Variants in ARID1B observed in about 807,000 individuals in gnomAD.
ARID1B encodes AT-rich interaction domain 1B.
Under a neutral mutation model 212.3 loss-of-function variants are expected in ARID1B, and 30 were observed. The ratio of observed to expected loss-of-function variants is 0.14; its 90% CI spans 0.11 to 0.19. The LOEUF (loss-of-function observed/expected upper bound fraction) is 0.19. Ranked by LOEUF, ARID1B falls within the 10% of genes least tolerant of loss-of-function variation. The pLI, the probability that ARID1B is intolerant of heterozygous loss-of-function variation, is 1.00. For synonymous variants in ARID1B, 1,402 were observed against 1,301.7 expected (o/e 1.08, Z -1.66); for missense variants, 2,891 against 3,204.0 (o/e 0.90, Z 2.36).
chr6:156,913,526 A>C (rs1259051130), intron 3 of ARID1B, among the ~76,000 whole-genome samples: 2 of 151,986 alleles, frequency 1.3e-5, no homozygotes, highest in Non-Finnish European at 2.9e-5. Flanking sequence ...AACATTTTTC[A>C]AGAATACAAT....
At chr6:157,007,764 C>G (rs1308810471) in intron 4 of ARID1B, among the ~76,000 whole-genome samples, 1 of 147,212 alleles carries the variant, frequency 6.8e-6, no homozygotes, top group Non-Finnish European at 1.5e-5. Flanking sequence ...GAGTCTCACT[C>G]TGTCACCCAG....
At chr6:156,892,539 T>C (rs1272174418) in intron 2 of ARID1B, among the ~76,000 whole-genome samples, 1 of 152,226 alleles carries the variant, frequency 6.6e-6, no homozygotes, top group East Asian at 1.9e-4. Flanking sequence ...CCACCAATAT[T>C]TTAAAGCTAT....
At chr6:157,107,623 C>G (rs1786590602) in intron 5 of ARID1B, 1 of 152,260 alleles carries the variant, frequency 6.6e-6, no homozygotes, top group Non-Finnish European at 1.5e-5. Flanking sequence ...GGAACTTACT[C>G]TAATTCATAG....
In ARID1B at chr6:157,200,906, A is replaced by G. The variant is rs780408339; in HGVS notation, c.4681A>G (p.Ile1561Val). The G allele has an allele frequency of 5.6e-6, 9 of 1,613,704 alleles. No individual in the cohort carries two copies. The Admixed American group carries it at 1.5e-4, about 27-fold the overall frequency. Residue 1561 changes from isoleucine to valine, a missense_variant, in exon 18 of 20, where the codon ATC (isoleucine) becomes GTC (valine). By Grantham distance (29) the Ile-to-Val change is conservative (BLOSUM62 3). Coordinates refer to ENST00000636930, the MANE Select transcript of ARID1B (RefSeq NM_001374828.1). This position sits in a 1 kb window ranked among gnomAD's most constrained non-coding sequence, Gnocchi z 4.3. ...SRERMQGPGQIQTHGIPPQMM... is the reference protein window; with the variant it reads ...SRERMQGPGQVQTHGIPPQMM... Reference sequence around the variant, plus strand: ...GGAGAGGATGCAGGGCCCGGGGCAGATCCAGACACACGGAATCCCGCCTCA... The same window carrying G: ...GGAGAGGATGCAGGGCCCGGGGCAGGTCCAGACACACGGAATCCCGCCTCA...
At chr6:156,866,407 C>T (rs541440283) in intron 2 of ARID1B, among the ~76,000 whole-genome samples, 1 of 152,142 alleles carries the variant, frequency 6.6e-6, no homozygotes, top group Non-Finnish European at 1.5e-5. Context: ...ATGGTTCTGC[C>T]TTGTCAGCTG....
chr6:156,853,973 T>C (rs974092974), intron 2 of ARID1B, among the ~76,000 whole-genome samples: 10 of 152,110 alleles, frequency 6.6e-5, no homozygotes, highest in Admixed American at 5.2e-4. Flanking sequence ...GCTCCAGTGA[T>C]CCCCCACTTT....
chr6:156,871,813 G>A (rs1306855995), intron 2 of ARID1B, among the ~76,000 whole-genome samples: 1 of 152,180 alleles, frequency 6.6e-6, no homozygotes, highest in African/African-American at 2.4e-5. Context: ...TGTCCTGCTT[G>A]ATGATACCAG....
intron 6 of ARID1B, among the ~76,000 whole-genome samples, chr6:157,127,701 A>T (rs1369797612): frequency 2.1e-5 from 3 of 145,604 alleles, no homozygotes; most frequent in East Asian, 4.3e-4. Context: ...GCTTGAACTC[A>T]GGAGGTGGAA....
At position 157,148,525 on chromosome 6, in the gene ARID1B, T is replaced by TACTC. The variant is rs1320696536; in HGVS notation, c.2762-98_2762-95dup. On this transcript the variant is annotated intron_variant, in intron 7 of 19. Transcript: ENST00000636930. The surrounding 1 kb of genome is among the most constrained non-coding windows in gnomAD (Gnocchi z 5.6). ...AAGGGCCTATAACGGTCATGACTAA[T>TACTC]ACTCCGTGCTGATCGCATTGTTGGA... The TACTC allele has an allele frequency of 4.4e-5, 59 of 1,327,552 alleles. 1 individual carries two copies. The African/African-American group carries it at 7.2e-4, about 16-fold the overall frequency. 82.2% of individuals were successfully genotyped at this position (1,327,552 alleles called of 1,614,324 possible).
chr6:156,943,916 A>G (rs1792864430), intron 4 of ARID1B: 2 of 152,200 alleles, frequency 1.3e-5, no homozygotes, highest in African/African-American at 4.8e-5. Flanking sequence ...TATGGAAGAA[A>G]CAATTGCTTT....
At position 156,778,897 on chromosome 6, in the gene ARID1B, G is replaced by C. The variant is rs1387109269; in HGVS notation, c.1217G>C (p.Gly406Ala). Residue 406 changes from glycine (G) to alanine (A), a missense_variant, in exon 1 of 20, where the codon GGA becomes GCA. This residue lies in a region of ARID1B where 1,643 missense variants were observed against 1,544.0 expected (regional missense o/e 1.06). Coordinates refer to ENST00000636930, the MANE Select transcript of ARID1B (RefSeq NM_001374828.1). ...GGAGGAGGAGGAGGCAGCGGAGGAG[G>C]AGGAGGAGGAGGAGGAGCAGGAGCA... The part of the protein sequence containing the change: ...GGGGGGGSGG[G>A]GGGGGAGAGG... 3 of 1,368,294 alleles carry C rather than the reference G, an allele frequency of 2.2e-6. No individual in the cohort carries two copies. Among genetic ancestry groups the C allele is most frequent in the Non-Finnish European group, 2.8e-6 (3 of 1,062,256 alleles). 84.8% of individuals were successfully genotyped at this position (1,368,294 alleles called of 1,614,324 possible). A position where few individuals can be genotyped will look rare whatever the true frequency, so the allele number is the denominator to read the frequency against.
intron 1 of ARID1B, among the ~76,000 whole-genome samples, chr6:156,822,627 G>T (rs746399713): frequency 1.3e-5 from 2 of 152,234 alleles, no homozygotes; most frequent in African/African-American, 2.4e-5. Context: ...TACTTTTGCC[G>T]TAAACGGGTT....
At chr6:156,802,869 GTA>G (rs1780884114) in intron 1 of ARID1B, among the ~76,000 whole-genome samples, 1 of 152,186 alleles carries the variant, frequency 6.6e-6, no homozygotes, top group African/African-American at 2.4e-5. Context: ...GTGTTTATGA[GTA>G]TGTAGCTGTG....
intron 9 of ARID1B, chr6:157,173,464 T>C (rs1203251051): frequency 1.3e-5 from 2 of 152,318 alleles, no homozygotes; most frequent in African/African-American, 2.4e-5. Context: ...TTATATTGTT[T>C]TTGAAGCCAT....
intron 7 of ARID1B, among the ~76,000 whole-genome samples, chr6:157,146,182 C>T (rs1443513627): frequency 1.3e-5 from 2 of 152,140 alleles, no homozygotes; most frequent in African/African-American, 4.8e-5. Context: ...AGTGCCCTTT[C>T]CCCTCTTCTG....
chr6:156,815,788 CTCTA>C (rs1273028183), intron 1 of ARID1B, among the ~76,000 whole-genome samples: 1 of 152,150 alleles, frequency 6.6e-6, no homozygotes. Context: ...GACAGGTAAG[CTCTA>C]TCTATCTTTA....
rs1225719231 is a variant in ARID1B, at chr6:156,778,773, C to A, written c.1093C>A (p.Pro365Thr). The A allele has an allele frequency of 6.6e-7, 1 of 1,517,440 alleles. No homozygotes were observed. The highest frequency in any genetic ancestry group is 2.7e-5 in the East Asian group (1 of 36,890). 94.0% of individuals were successfully genotyped at this position (1,517,440 alleles called of 1,614,324 possible). Reference protein sequence around the residue: ...AAAGAPGSMDPLQNSHEGYPN... With the variant: ...AAAGAPGSMDTLQNSHEGYPN... ...CGCCGGGGCCCCCGGCAGCATGGAC[C>A]CCCTGCAGAACTCCCACGAAGGGTA... Residue 365 changes from proline to threonine, a missense_variant, in exon 1 of 20, where the codon CCC becomes ACC. This residue lies in a region of ARID1B where 1,643 missense variants were observed against 1,544.0 expected (regional missense o/e 1.06). Transcript: ENST00000636930.
At chr6:157,182,619 G>A (rs931292881) in intron 12 of ARID1B, among the ~76,000 whole-genome samples, 14 of 152,018 alleles carry the variant, frequency 9.2e-5, no homozygotes, top group Non-Finnish European at 1.8e-4. Context: ...GGGGGAGAAA[G>A]GGGAGGCCTT....
chr6:156,980,787 A>G (rs1045753740), intron 4 of ARID1B, among the ~76,000 whole-genome samples: 6 of 152,206 alleles, frequency 3.9e-5, no homozygotes, highest in African/African-American at 7.2e-5. Flanking sequence ...GCAGCTTTCA[A>G]TGTACCCAGG....
Sources: allele counts gnomAD v4.1 joint callset (sites outside exome capture counted in the v4.1 genomes callset), GRCh38; gene constraint gnomAD v4.1.1; regional missense constraint gnomAD v4.1.1; non-coding constraint Gnocchi (gnomAD v3.1); transcripts MANE v1.5; gene names NCBI Gene and HGNC (gene_info 2026-07-23, HGNC 2026-07-21).